Variants in SRRM2 observed in about 807,000 individuals in gnomAD.
SRRM2 encodes serine/arginine repetitive matrix 2.
SRRM2 carries 30 observed loss-of-function variants against 213.8 expected under a neutral mutation model. That is an observed-to-expected ratio of 0.14 (90% CI 0.10 to 0.19). The LOEUF (loss-of-function observed/expected upper bound fraction) is 0.19. Among genes scored for constraint, SRRM2 ranks in the 10% least tolerant of loss-of-function variants. SRRM2 has a pLI of 1.00. For missense variants in SRRM2, 4,904 were observed against 3,647.0 expected, an observed-to-expected ratio of 1.34 and a Z score of -8.88; for synonymous variants, 2,025 against 1,377.7, an observed-to-expected ratio of 1.47 and a Z score of -10.40.
rs2068736764 is a variant in SRRM2 at position 2,771,216 on chromosome 16, T to C, written c.*349T>C. The stretch of plus-strand genomic sequence containing the variant: ...AAGTTCCCAGGGGTGATTGTGATGG[T>C]GGTTGGGACTGGAGGTTGTATAAGG... On this transcript the variant is annotated 3_prime_UTR_variant, in exon 15 of 15. Transcript: ENST00000301740. The C allele has an allele frequency of 4.6e-6, 3 of 656,684 alleles. No individual in the cohort carries two copies. The highest frequency in any genetic ancestry group is 1.8e-5 in the African/African-American group (1 of 54,934). The allele number at this position is 656,684 out of a possible 1,614,324, so 40.7% of individuals were successfully genotyped here. A position where few individuals can be genotyped will look rare whatever the true frequency, so the allele number is the denominator to read the frequency against.
At position 2,767,483 on chromosome 16, in the gene SRRM2, ACTG is replaced by A. The variant is rs779583168; in HGVS notation, c.6960_6962del (p.Ala2321del). On this transcript the variant is annotated inframe_deletion, in exon 11 of 15. Transcript: ENST00000301740. ...TCTCACAGGCTCTGGCACACCACCA[ACTG>A]CTGCAAACTATCCCTCCAGCTCCAG... 2 of 1,613,858 alleles carry A rather than the reference ACTG, an allele frequency of 1.2e-6. No individual in the cohort carries two copies. Among genetic ancestry groups the A allele is most frequent in the African/African-American group, 2.7e-5 (2 of 74,860 alleles).
Position 2,764,642 on chromosome 16 carries a change from A to G in SRRM2, c.4114A>G (p.Lys1372Glu). 1 of 1,614,228 alleles carries G rather than the reference A, an allele frequency of 6.2e-7. No homozygotes were observed. The highest frequency in any genetic ancestry group is 8.5e-7 in the Non-Finnish European group (1 of 1,180,048). The change falls in exon 11 of 15, where the codon AAA becomes GAA. Residue 1372 changes from lysine (K) to glutamate (E), a missense_variant. By Grantham distance (56) the Lys-to-Glu change is moderately conservative. Transcript: ENST00000301740. ...GGAAACAGATCCATCTCTAGACATG[A>G]AAGAACAATCGACAAGATCCTCTGG... Reference protein sequence around the residue: ...QLETDPSLDMKEQSTRSSGHS... With the variant: ...QLETDPSLDMEEQSTRSSGHS...
chr16:2,770,540 G>T, intron 13 of SRRM2, 64 bp from the exon 14 acceptor site: 1 of 1,554,852 alleles, frequency 6.4e-7, no homozygotes. Flanking sequence ...AAGCTTTGCG[G>T]TTGTGGCTAT....
In SRRM2 at chr16:2,764,965, A is replaced by G; in HGVS notation, c.4437A>G (p.Glu1479=). 1 of 1,614,122 alleles carries G rather than the reference A, an allele frequency of 6.2e-7. No individual in the cohort carries two copies. Among genetic ancestry groups the G allele is most frequent in the South Asian group, 1.1e-5 (1 of 91,086 alleles). Residue 1479 remains glutamate (E), a synonymous_variant, in exon 11 of 15, where the codon GAA becomes GAG. Coordinates refer to ENST00000301740, the MANE Select transcript of SRRM2 (RefSeq NM_016333.4). ...IPRTPSRGRS[E]CDSSPEPKAL... Reference sequence around the variant, plus strand: ...GAACGCCATCTAGAGGGAGAAGCGAATGTGATTCTTCCCCAGAACCGAAAG... The same window carrying G: ...GAACGCCATCTAGAGGGAGAAGCGAGTGTGATTCTTCCCCAGAACCGAAAG...
rs1193421462 is a variant in SRRM2 at position 2,759,289 on chromosome 16, C to T, written c.690-63C>T. On this transcript the variant is annotated intron_variant, in intron 7 of 14. Transcript: ENST00000301740. ...GTGTCAACACTCCCTCTTTCCATTT[C>T]ACTTTTGGTTTTATTTCCTTTTTTA... 4.4e-6 allele frequency: 7 copies of T among 1,607,456 alleles called. No individual in the cohort carries two copies. The African/African-American group carries it at 5.4e-5, about 12-fold the overall frequency.
chr16:2,754,639 G>A (rs1366223195), intron 1 of SRRM2, among the ~76,000 whole-genome samples: 2 of 152,154 alleles, frequency 1.3e-5, no homozygotes, highest in Non-Finnish European at 2.9e-5. Context: ...AGGTGGTATG[G>A]AAGTGTGGGT....
At chr16:2,754,697 G>A (rs1017454669) in intron 1 of SRRM2, among the ~76,000 whole-genome samples, 2 of 152,196 alleles carry the variant, frequency 1.3e-5, no homozygotes, top group African/African-American at 4.8e-5. Context: ...CATGCTGCAG[G>A]GGAAGCAGAA....
intron 10 of SRRM2, 115 bp from the exon 11 acceptor site, chr16:2,761,446 G>A: frequency 3.9e-6 from 3 of 772,606 alleles, no homozygotes; most frequent in Non-Finnish European, 3.9e-6. Flanking sequence ...GATCGCTTGT[G>A]GTCAGAGGGT....
At chr16:2,753,695 C>T (rs1445217563) in intron 1 of SRRM2, 3 of 152,280 alleles carry the variant, frequency 2.0e-5, no homozygotes, top group African/African-American at 7.2e-5. Flanking sequence ...GCTTGGTTTC[C>T]ACTCGGCTTC....
chr16:2,768,371 TG>T, intron 11 of SRRM2, 110 bp downstream of exon 11: 1 of 1,272,220 alleles, frequency 7.9e-7, no homozygotes, highest in Non-Finnish European at 1.1e-6. Flanking sequence ...GGAGGAGGTA[TG>T]GGGACCTTGA....
rs1243230891 is a variant in SRRM2, at chr16:2,767,024, G to C, written c.6496G>C (p.Asp2166His). 6.2e-7 allele frequency: 1 copy of C among 1,614,120 alleles called. No homozygotes were observed. Among genetic ancestry groups the C allele is most frequent in the Non-Finnish European group, 8.5e-7 (1 of 1,180,040 alleles). Residue 2166 changes from aspartate to histidine, a missense_variant, in exon 11 of 15, where the codon GAC becomes CAC. Coordinates refer to ENST00000301740, the MANE Select transcript of SRRM2 (RefSeq NM_016333.4). ...MMDGPGPRIP[D>H]HQRTSVPENH... is the part of the protein sequence containing the mutation. ...GGATGGTCCAGGTCCCCGAATACCT[G>C]ACCACCAGAGAACATCTGTGCCAGA...
chr16:2,770,717 G>T lies in SRRM2; in HGVS notation c.8249G>T (p.Arg2750Met). Residue 2750 changes from arginine to methionine, a missense_variant and splice_region_variant, in exon 14 of 15, where the codon AGG becomes ATG. Transcript: ENST00000301740. ...CGGCCCATGAGACACCGCTCCTCCA[G>T]GTGCGTGTCCTGGAAGGCTGATGCC... is the stretch of plus-strand genomic sequence containing the variant. The part of the protein sequence containing the change: ...SPRPMRHRSS[R>M]SP 6.4e-7 allele frequency: 1 copy of T among 1,568,118 alleles called. No individual in the cohort carries two copies. The highest frequency in any genetic ancestry group is 8.7e-7 in the Non-Finnish European group (1 of 1,154,598).
At position 2,765,368 on chromosome 16, in the gene SRRM2, G is replaced by A. The variant is rs749430494; in HGVS notation, c.4840G>A (p.Ala1614Thr). The A allele has an allele frequency of 1.2e-6, 2 of 1,614,152 alleles. No individual in the cohort carries two copies. Among genetic ancestry groups the A allele is most frequent in the East Asian group, 4.5e-5 (2 of 44,878 alleles). The change falls in exon 11 of 15, where the codon GCA (alanine) becomes ACA (threonine). Residue 1614 changes from alanine to threonine, a missense_variant. Physicochemically the swap from Ala to Thr is moderately conservative, Grantham distance 58 (BLOSUM62 0). Transcript: ENST00000301740. The part of the protein sequence containing the change: ...VKDKPRAAPR[A>T]QSGSDSSPEP... ...AGATAAGCCAAGAGCAGCACCCAGG[G>A]CACAGAGTGGTTCTGATTCCTCTCC... is the stretch of plus-strand genomic sequence containing the variant.
At position 2,766,536 on chromosome 16, in the gene SRRM2, G is replaced by A. The variant is rs889619199; in HGVS notation, c.6008G>A (p.Arg2003Gln). The change falls in exon 11 of 15, where the codon CGA (arginine) becomes CAA (glutamine). Residue 2003 changes from arginine (R) to glutamine (Q), a missense_variant. By Grantham distance (43) the Arg-to-Gln change is conservative (BLOSUM62 1). Coordinates refer to ENST00000301740, the MANE Select transcript of SRRM2 (RefSeq NM_016333.4). The surrounding 1 kb of genome is among the most constrained non-coding windows in gnomAD (Gnocchi z 7.0). ...CGATCTCGCACATCTCCAGTAACTC[G>A]AAGAAGGTCCCGCTCTCGAACCTCA... is the stretch of plus-strand genomic sequence containing the variant. The part of the protein sequence containing the change: ...RSRSRTSPVT[R>Q]RRSRSRTSPV... The A allele has an allele frequency of 1.9e-6, 3 of 1,613,748 alleles. No individual in the cohort carries two copies. Among genetic ancestry groups the A allele is most frequent in the Non-Finnish European group, 2.5e-6 (3 of 1,179,926 alleles).
rs547694073 is a variant in SRRM2, at chr16:2,761,485, G to T, written c.1033-76G>T. Reference sequence around the variant, plus strand: ...TAAAAGAAAAGTTATCATTGGAAAGGGTGTTGGGATCTTAGGGGTGATGTG... The same window carrying T: ...TAAAAGAAAAGTTATCATTGGAAAGTGTGTTGGGATCTTAGGGGTGATGTG... On this transcript the variant is annotated intron_variant, in intron 10 of 14. Coordinates refer to ENST00000301740, the MANE Select transcript of SRRM2 (RefSeq NM_016333.4). 26 of 1,218,068 alleles carry T rather than the reference G, an allele frequency of 2.1e-5. No individual in the cohort carries two copies. In the South Asian group the frequency reaches 5.3e-4, roughly 25 times the overall value. The allele number at this position is 1,218,068 out of a possible 1,614,324, so 75.5% of individuals were successfully genotyped here.
At chr16:2,757,386 G>A (rs1217607653) in intron 2 of SRRM2, 86 bp from the exon 3 acceptor site, 11 of 1,216,832 alleles carry the variant, frequency 9.0e-6, no homozygotes, top group Admixed American at 1.9e-5. Context: ...AGAGGGAGGG[G>A]CCCCTTTTGG....
At chr16:2,758,351 A>AC in intron 4 of SRRM2, 119 bp from the exon 5 acceptor site, 1 of 956,070 alleles carries the variant, frequency 1.0e-6, no homozygotes, top group Non-Finnish European at 1.6e-6. Context: ...ACCTGAGGCA[A>AC]CAGAGCGAGA....
chr16:2,769,911 C>A, intron 12 of SRRM2: 1 of 445,176 alleles, frequency 2.2e-6, no homozygotes, highest in Non-Finnish European at 4.5e-6. Flanking sequence ...TTTGGACATG[C>A]TGTTCCTTCT....
rs904477526 is a variant in SRRM2 at position 2,756,367 on chromosome 16, G to GA, written c.3_4insA (p.Tyr2IlefsTer31). 1 of 1,602,604 alleles carries GA rather than the reference G, an allele frequency of 6.2e-7. No homozygotes were observed. The highest frequency in any genetic ancestry group is 8.5e-7 in the Non-Finnish European group (1 of 1,176,660). On this transcript the variant is annotated frameshift_variant, in exon 2 of 15. Coordinates refer to ENST00000301740, the MANE Select transcript of SRRM2 (RefSeq NM_016333.4). LOFTEE classifies it high-confidence loss of function. ...GTGCCCCCCCCGGGCACGGGGCCAT[G>GA]TACAACGGGATCGGGCTGCCGACGC...
Sources: allele counts gnomAD v4.1 joint callset (sites outside exome capture counted in the v4.1 genomes callset), GRCh38; gene constraint gnomAD v4.1.1; non-coding constraint Gnocchi (gnomAD v3.1); transcripts MANE v1.5; gene names NCBI Gene and HGNC (gene_info 2026-07-23, HGNC 2026-07-21).